HSD17B2: variants seen among roughly 807,000 people sequenced by gnomAD.
The protein encoded by HSD17B2 is hydroxysteroid 17-beta dehydrogenase 2.
In HSD17B2, 32 loss-of-function variants were observed where a neutral mutation model predicts 26.9. The ratio of observed to expected loss-of-function variants is 1.19; its 90% CI spans 0.90 to 1.60. The LOEUF is 1.60. Ranked by LOEUF, HSD17B2 falls within the 40% of genes most tolerant of loss-of-function variation. The probability of loss-of-function intolerance (pLI) is 0.00; values close to 1 mark genes in which losing one functional copy is unlikely to be tolerated. For missense variants in HSD17B2, 613 were observed against 468.6 expected, an observed-to-expected ratio of 1.31 and a Z score of -2.85; for synonymous variants, 246 against 186.7, an observed-to-expected ratio of 1.32 and a Z score of -2.59.
At chr16:82,069,096 G>A (rs1597131314) in intron 2 of HSD17B2, among the ~76,000 whole-genome samples, 1 of 152,140 alleles carries the variant, frequency 6.6e-6, no homozygotes, top group South Asian at 2.1e-4. Flanking sequence ...CCAAGTGTGG[G>A]TTGTTCCCCA....
At chr16:82,094,929 A>T (rs1036553608) in intron 4 of HSD17B2, 1 of 152,258 alleles carries the variant, frequency 6.6e-6, no homozygotes, top group African/African-American at 2.4e-5. Flanking sequence ...CATAGAGCTG[A>T]TAGGAGGCAG....
chr16:82,068,954 G>A (rs773228876), intron 2 of HSD17B2, among the ~76,000 whole-genome samples: 2 of 152,124 alleles, frequency 1.3e-5, no homozygotes, highest in Non-Finnish European at 2.9e-5. Flanking sequence ...CGTGCAGGAT[G>A]TGCTGGTTTG....
At chr16:82,053,164 AC>A (rs1212606398) in intron 1 of HSD17B2, among the ~76,000 whole-genome samples, 1 of 152,212 alleles carries the variant, frequency 6.6e-6, no homozygotes, top group African/African-American at 2.4e-5. Flanking sequence ...GTTGCTAAGA[AC>A]TTTTTTTTCT....
intron 1 of HSD17B2, among the ~76,000 whole-genome samples, chr16:82,066,445 C>G (rs1463311176): frequency 2.6e-5 from 4 of 151,892 alleles, no homozygotes; most frequent in South Asian, 4.2e-4. Context: ...GCTAGGATCT[C>G]TCTCTCTTCC....
At chr16:82,069,899 T>A (rs1310106928) in intron 2 of HSD17B2, among the ~76,000 whole-genome samples, 1 of 151,954 alleles carries the variant, frequency 6.6e-6, no homozygotes, top group Non-Finnish European at 1.5e-5. Flanking sequence ...ACTGAACAGA[T>A]CCCCCAGACC....
intron 3 of HSD17B2, among the ~76,000 whole-genome samples, chr16:82,090,532 T>C (rs1338128354): frequency 6.6e-6 from 1 of 152,036 alleles, no homozygotes; most frequent in Non-Finnish European, 1.5e-5. Flanking sequence ...TTGGCCAGGT[T>C]GGTCTCAAAC....
At chr16:82,052,245 G>C (rs1171302108) in intron 1 of HSD17B2, 1 of 152,204 alleles carries the variant, frequency 6.6e-6, no homozygotes. Context: ...GTTCAGGTGG[G>C]CATTCTCGTT....
rs8191064 is a variant in HSD17B2 at position 82,037,141 on chromosome 16, T to C, written c.265+1452T>C. Among the ~76,000 whole-genome samples the C allele has an allele frequency of 1.8e-4, 27 of 152,324 alleles. No individual in the cohort carries two copies. The East Asian group carries it at 4.6e-3, about 26-fold the overall frequency. On this transcript the variant is annotated intron_variant, in intron 1 of 4. Transcript: ENST00000199936. ...GTTGAGTGAGGATGATTGAATCAAT[T>C]AGGCAACTCAAGCTCAAGGACTAAT...
intron 2 of HSD17B2, among the ~76,000 whole-genome samples, 185 bp downstream of exon 2, chr16:82,068,567 C>A (rs979445949): frequency 2.6e-5 from 4 of 152,200 alleles, no homozygotes; most frequent in African/African-American, 9.7e-5. Flanking sequence ...GTAACTCAGA[C>A]ATGGGCCCAT....
At chr16:82,088,353 A>G (rs758650287) in intron 3 of HSD17B2, among the ~76,000 whole-genome samples, 4 of 152,152 alleles carry the variant, frequency 2.6e-5, no homozygotes, top group Non-Finnish European at 5.9e-5. Flanking sequence ...GCACTATTCT[A>G]ATATATTATT....
intron 3 of HSD17B2, among the ~76,000 whole-genome samples, chr16:82,081,397 C>T (rs1257882698): frequency 6.6e-6 from 1 of 152,142 alleles, no homozygotes; most frequent in Non-Finnish European, 1.5e-5. Flanking sequence ...TTTCATTCTA[C>T]CCCAGGCTAT....
chr16:82,082,060 C>T (rs888597731), intron 3 of HSD17B2, among the ~76,000 whole-genome samples: 1 of 152,144 alleles, frequency 6.6e-6, no homozygotes, highest in Admixed American at 6.6e-5. Context: ...GCTTCTTTAC[C>T]CCTTTTTCCC....
At chr16:82,090,142 G>A (rs908147694) in intron 3 of HSD17B2, 7 of 741,560 alleles carry the variant, frequency 9.4e-6, no homozygotes, top group Admixed American at 1.3e-4. Context: ...AACAAGTATT[G>A]AGCACAATCT....
chr16:82,095,944 C>T (rs1036885316), intron 4 of HSD17B2: 1 of 152,062 alleles, frequency 6.6e-6, no homozygotes, highest in Non-Finnish European at 1.5e-5. Context: ...CTGTTAGTTA[C>T]CTTAGAGGAG....
intron 1 of HSD17B2, among the ~76,000 whole-genome samples, chr16:82,045,921 TC>T (rs1364351789): frequency 6.6e-6 from 1 of 152,264 alleles, no homozygotes; most frequent in East Asian, 1.9e-4. Flanking sequence ...TCTTTTTGGT[TC>T]TTCTGTTACA....
At chr16:82,091,458 C>G (rs531703026) in intron 4 of HSD17B2, 1 of 214,312 alleles carries the variant, frequency 4.7e-6, no homozygotes, top group African/African-American at 2.3e-5. Flanking sequence ...AAAGGAATGG[C>G]TCTCAGATCC....
intron 1 of HSD17B2, among the ~76,000 whole-genome samples, chr16:82,045,725 T>C (rs1427786841): frequency 6.6e-6 from 1 of 152,258 alleles, no homozygotes; most frequent in Non-Finnish European, 1.5e-5. Context: ...TTTGCAGGTC[T>C]CAGCTTAATC....
chr16:82,054,358 T>C (rs558563784), intron 1 of HSD17B2, among the ~76,000 whole-genome samples: 9 of 152,278 alleles, frequency 5.9e-5, no homozygotes, highest in Admixed American at 3.3e-4. Context: ...CTAACTTTTT[T>C]TTTTGGGACA....
In HSD17B2 at chr16:82,035,415, G is replaced by C. The variant is rs973827525; in HGVS notation, c.-10G>C. 1 of 1,606,608 alleles carries C rather than the reference G, an allele frequency of 6.2e-7. No individual in the cohort carries two copies. The highest frequency in any genetic ancestry group is 1.3e-5 in the African/African-American group (1 of 74,798). ...CCCTGAGCACTTGAAGGTGCAGCAAGTCACTGAGAATGAGCACTTTCTTCT... is the reference window on the plus strand; with the variant it reads ...CCCTGAGCACTTGAAGGTGCAGCAACTCACTGAGAATGAGCACTTTCTTCT... On this transcript the variant is annotated 5_prime_UTR_variant, in exon 1 of 5. Transcript: ENST00000199936.
Sources: gnomAD v4.1 joint callset for allele counts (sites outside exome capture counted in the v4.1 genomes callset) on GRCh38, gnomAD v4.1.1 for gene constraint, MANE v1.5 for transcripts, NCBI Gene and HGNC (gene_info 2026-07-23, HGNC 2026-07-21) for gene names.